The following PEPD variants were observed in gnomAD, a reference collection of about 807,000 sequenced individuals.
PEPD encodes the protein xaa-Pro dipeptidase.
Under a neutral mutation model 60.7 loss-of-function variants are expected in PEPD, and 53 were observed. That is an observed-to-expected ratio of 0.87 (90% CI 0.70 to 1.10). The LOEUF is 1.10. PEPD is among the 50% of genes least tolerant of loss of function. The pLI, the probability that PEPD is intolerant of heterozygous loss-of-function variation, is 0.00. For missense variants in PEPD, 711 were observed against 711.9 expected (o/e 1.00, Z 0.01); for synonymous variants, 267 against 284.1 (o/e 0.94, Z 0.60).
intron 9 of PEPD, among the ~76,000 whole-genome samples, chr19:33,427,551 G>C (rs1432749977): frequency 6.6e-6 from 1 of 152,224 alleles, no homozygotes; most frequent in African/African-American, 2.4e-5. Flanking sequence ...CCAATCGGAG[G>C]ATGCCAGGAA....
At chr19:33,490,134 T>C in intron 5 of PEPD, 77 bp from the exon 6 acceptor site, 1 of 989,630 alleles carries the variant, frequency 1.0e-6, no homozygotes, top group South Asian at 1.3e-5. Flanking sequence ...GGCCTCCAGC[T>C]AGGCTCAGGA....
intron 10 of PEPD, among the ~76,000 whole-genome samples, chr19:33,412,790 T>C (rs1211808206): frequency 6.6e-6 from 1 of 152,232 alleles, no homozygotes; most frequent in East Asian, 1.9e-4. Context: ...GGCTCCATCC[T>C]GGCCGGGCAG....
chr19:33,408,348 T>C (rs1199153963), intron 11 of PEPD, among the ~76,000 whole-genome samples: 1 of 152,256 alleles, frequency 6.6e-6, no homozygotes, highest in Non-Finnish European at 1.5e-5. Flanking sequence ...ACACCGGGCC[T>C]GCTGCTCTTG....
chr19:33,427,084 T>G (rs934601547), intron 9 of PEPD, among the ~76,000 whole-genome samples: 10 of 152,250 alleles, frequency 6.6e-5, no homozygotes, highest in African/African-American at 2.2e-4. Flanking sequence ...TTAGTCACAC[T>G]TGGCTGAAGG....
In PEPD at chr19:33,511,086, C is replaced by T. The variant is rs777470431; in HGVS notation, c.271G>A (p.Gly91Arg). The change falls in exon 3 of 15, where the codon GGG becomes AGG. Residue 91 changes from glycine (G) to arginine (R), a missense_variant. Physicochemically the swap from Gly to Arg is moderately radical, Grantham distance 125. Coordinates refer to ENST00000244137, the MANE Select transcript of PEPD (RefSeq NM_000285.4). ...GCYGVIDVDT[G>R]KSTLFVPRLP... is the part of the protein sequence containing the mutation. ...CTGGGCACAAACAGGGTCGACTTCC[C>T]AGTGTCAACATCGATGACACCATAG... 3 of 1,613,972 alleles carry T rather than the reference C, an allele frequency of 1.9e-6. No homozygotes were observed. The highest frequency in any genetic ancestry group is 3.3e-5 in the Admixed American group (2 of 60,024).
chr19:33,410,576 CG>C (rs1320520511), intron 11 of PEPD, among the ~76,000 whole-genome samples: 2 of 152,204 alleles, frequency 1.3e-5, no homozygotes, highest in African/African-American at 4.8e-5. Flanking sequence ...TGGGAACTCC[CG>C]CTGGAGGAGC....
chr19:33,453,883 T>TG (rs1397181687), intron 9 of PEPD, among the ~76,000 whole-genome samples: 1 of 152,214 alleles, frequency 6.6e-6, no homozygotes, highest in Admixed American at 6.5e-5. Context: ...CTGGGGACCA[T>TG]GCTCTACCCA....
intron 12 of PEPD, 41 bp downstream of exon 12, chr19:33,401,680 G>A (rs566376080): frequency 3.2e-6 from 5 of 1,581,756 alleles, no homozygotes; most frequent in South Asian, 1.1e-5. Flanking sequence ...CGCCCCCAAC[G>A]CCACGTCAGA....
intron 3 of PEPD, among the ~76,000 whole-genome samples, chr19:33,504,818 G>C (rs558963454): frequency 6.6e-6 from 1 of 152,000 alleles, no homozygotes; most frequent in Admixed American, 6.5e-5. Flanking sequence ...CAGAGAAGCT[G>C]CTGTCACCCC....
At chr19:33,414,977 G>T (rs111718144) in intron 9 of PEPD, among the ~76,000 whole-genome samples, 1 of 152,184 alleles carries the variant, frequency 6.6e-6, no homozygotes, top group Non-Finnish European at 1.5e-5. Flanking sequence ...TCGCTCCTGG[G>T]AGTCTCAGCG....
intron 9 of PEPD, among the ~76,000 whole-genome samples, chr19:33,459,203 T>C (rs1303917421): frequency 6.6e-6 from 1 of 152,012 alleles, no homozygotes; most frequent in Non-Finnish European, 1.5e-5. Context: ...CCCGTCACAC[T>C]ACACAGATCC....
intron 9 of PEPD, among the ~76,000 whole-genome samples, chr19:33,437,455 C>T (rs1045281550): frequency 2.6e-5 from 4 of 151,686 alleles, no homozygotes; most frequent in Non-Finnish European, 4.4e-5. Context: ...GACAGGGCGC[C>T]TGGAGGAGCT....
In PEPD at chr19:33,511,044, C is replaced by T; in HGVS notation, c.313G>A (p.Ala105Thr). The T allele has an allele frequency of 6.2e-7, 1 of 1,613,376 alleles. No homozygotes were observed. The highest frequency in any genetic ancestry group is 8.5e-7 in the Non-Finnish European group (1 of 1,179,726). The change falls in exon 3 of 15, where the codon GCC (alanine) becomes ACC (threonine). Residue 105 changes from alanine (A) to threonine (T), a missense_variant. Physicochemically the swap from Ala to Thr is moderately conservative, Grantham distance 58. Transcript: ENST00000244137. ...LFVPRLPASHATWMGKIHSKE... is the reference protein window; with the variant it reads ...LFVPRLPASHTTWMGKIHSKE... ...GCTCCTTACTTTCCCATCCAGGTGG[C>T]ATGGCTGGCAGGAAGCCTGGGCACA...
intron 3 of PEPD, among the ~76,000 whole-genome samples, chr19:33,505,535 C>T (rs756079398): frequency 6.6e-6 from 1 of 151,954 alleles, no homozygotes; most frequent in East Asian, 1.9e-4. Flanking sequence ...GAGGCCTGCA[C>T]GGCAAAGAGG....
At chr19:33,390,024 C>T (rs1249889556) in intron 13 of PEPD, among the ~76,000 whole-genome samples, 2 of 152,246 alleles carry the variant, frequency 1.3e-5, no homozygotes, top group African/African-American at 4.8e-5. Context: ...CCATGCTCGC[C>T]TCTGCCTGGG....
chr19:33,436,252 G>A (rs895017985), intron 9 of PEPD, among the ~76,000 whole-genome samples: 5 of 151,850 alleles, frequency 3.3e-5, no homozygotes, highest in South Asian at 2.1e-4. Flanking sequence ...AAGGAGAGGC[G>A]AGCAGGAAGA....
In PEPD at chr19:33,401,807, G is replaced by A. The variant is rs1402609939; in HGVS notation, c.881C>T (p.Ala294Val). The change falls in exon 12 of 15, where the codon GCC becomes GTC. Residue 294 changes from alanine to valine, a missense_variant. Physicochemically the swap from Ala to Val is moderately conservative, Grantham distance 64. Coordinates refer to ENST00000244137, the MANE Select transcript of PEPD (RefSeq NM_000285.4). ...CTGGTCTGCAGTGAACTTGCCGTTG[G>A]CGGGAAAGGAGCAGGTGATGTCGGA... ...FASDITCSFP[A>V]NGKFTADQKA... The A allele has an allele frequency of 1.9e-6, 3 of 1,613,052 alleles. No homozygotes were observed. The highest frequency in any genetic ancestry group is 8.5e-7 in the Non-Finnish European group (1 of 1,179,886).
At chr19:33,397,530 C>G (rs1037972430) in intron 12 of PEPD, among the ~76,000 whole-genome samples, 5 of 151,976 alleles carry the variant, frequency 3.3e-5, no homozygotes, top group South Asian at 2.1e-4. Flanking sequence ...CGGGCCTTCA[C>G]TGTGTGTGAT....
intron 6 of PEPD, among the ~76,000 whole-genome samples, chr19:33,488,486 C>T (rs1227991058): frequency 2.6e-5 from 4 of 152,086 alleles, no homozygotes; most frequent in East Asian, 1.9e-4. Flanking sequence ...CAGGGAGTCC[C>T]GGGACTGGGA....
Sources: allele counts gnomAD v4.1 joint callset (sites outside exome capture counted in the v4.1 genomes callset), GRCh38; gene constraint gnomAD v4.1.1; transcripts MANE v1.5; gene names NCBI Gene and HGNC (gene_info 2026-07-23, HGNC 2026-07-21).